Variants in PDCD10 observed in about 807,000 individuals in gnomAD.
PDCD10 encodes programmed cell death 10, also known as programmed cell death protein 10.
In PDCD10, 4 loss-of-function variants were observed where a neutral mutation model predicts 29.2. The ratio of observed to expected loss-of-function variants is 0.14; its 90% CI spans 0.07 to 0.31. The LOEUF (loss-of-function observed/expected upper bound fraction) is 0.31. Ranked by LOEUF, PDCD10 falls within the 10% of genes least tolerant of loss-of-function variation. PDCD10 has a pLI of 1.00. For synonymous variants in PDCD10, 70 were observed against 82.2 expected, an observed-to-expected ratio of 0.85 and a Z score of 0.80; for missense variants, 183 against 257.9, an observed-to-expected ratio of 0.71 and a Z score of 1.99.
chr3:167,734,694 T>C lies in PDCD10; in HGVS notation c.-286A>G. On this transcript the variant is annotated 5_prime_UTR_variant, in exon 1 of 9. Coordinates refer to ENST00000392750, the MANE Select transcript of PDCD10 (RefSeq NM_007217.4). The stretch of plus-strand genomic sequence containing the variant: ...GGGCCCCGCTCTCAGCCCCGTCCGC[T>C]CCGCCTGCCAGAACCAAGCCCAAGT... 6.5e-6 allele frequency: 1 copy of C among 154,566 alleles called. No homozygotes were observed. The highest frequency in any genetic ancestry group is 1.4e-5 in the Non-Finnish European group (1 of 69,632). The allele number at this position is 154,566 out of a possible 1,614,324, so 9.6% of individuals were successfully genotyped here.
chr3:167,730,471 G>T (rs530523627), intron 2 of PDCD10, among the ~76,000 whole-genome samples: 116 of 152,204 alleles, frequency 7.6e-4, no homozygotes, highest in Non-Finnish European at 1.4e-3. Context: ...AGGTAAATAT[G>T]AAAATTTTAT....
intron 8 of PDCD10, among the ~76,000 whole-genome samples, chr3:167,685,791 T>C (rs1356339067): frequency 6.6e-6 from 1 of 152,164 alleles, no homozygotes; most frequent in African/African-American, 2.4e-5. Flanking sequence ...ATAAATCAAA[T>C]AAAAGTTTAT....
At chr3:167,709,913 C>T (rs188786248) in intron 3 of PDCD10, among the ~76,000 whole-genome samples, 13 of 152,240 alleles carry the variant, frequency 8.5e-5, no homozygotes, top group Admixed American at 8.5e-4. Flanking sequence ...GTAGGATAAG[C>T]AACAGGCAGA....
intron 2 of PDCD10, chr3:167,731,044 C>T (rs1724749516): frequency 6.6e-6 from 1 of 151,972 alleles, no homozygotes; most frequent in Admixed American, 6.6e-5. Flanking sequence ...GAGATAGATC[C>T]AGATTCTAAC....
At chr3:167,701,362 A>G (rs1721410552) in intron 4 of PDCD10, among the ~76,000 whole-genome samples, 1 of 152,170 alleles carries the variant, frequency 6.6e-6, no homozygotes, top group Admixed American at 6.5e-5. Context: ...ACACATATAT[A>G]TGTATTGTAT....
At chr3:167,689,285 G>GA (rs1213086454) in intron 6 of PDCD10, among the ~76,000 whole-genome samples, 1 of 152,092 alleles carries the variant, frequency 6.6e-6, no homozygotes. Context: ...TATTCTGTGA[G>GA]AAAAATTACA....
At chr3:167,728,065 T>C (rs1724403119) in intron 2 of PDCD10, among the ~76,000 whole-genome samples, 1 of 152,226 alleles carries the variant, frequency 6.6e-6, no homozygotes, top group East Asian at 1.9e-4. Flanking sequence ...CTGTTTTTAC[T>C]GCATCTACTG....
At chr3:167,694,138 A>C (rs555237740) in intron 6 of PDCD10, among the ~76,000 whole-genome samples, 4 of 152,264 alleles carry the variant, frequency 2.6e-5, no homozygotes, top group Admixed American at 2.0e-4. Flanking sequence ...TAACCAGCAA[A>C]TTAAATTATT....
intron 3 of PDCD10, among the ~76,000 whole-genome samples, chr3:167,718,251 ACATG>A (rs1244733101): frequency 6.6e-6 from 1 of 152,148 alleles, no homozygotes; most frequent in Non-Finnish European, 1.5e-5. Context: ...ATTCTTAAGA[ACATG>A]CATGCAGCCT....
intron 6 of PDCD10, 47 bp downstream of exon 6, chr3:167,695,549 C>T (rs749367762): frequency 3.5e-5 from 54 of 1,559,926 alleles, no homozygotes; most frequent in Non-Finnish European, 4.6e-5. Flanking sequence ...AGTAGTTCCT[C>T]GGAAGTACTT....
intron 2 of PDCD10, chr3:167,731,011 A>G (rs1279528089): frequency 6.6e-6 from 1 of 152,166 alleles, no homozygotes; most frequent in Non-Finnish European, 1.5e-5. Flanking sequence ...AGAAAAAGAA[A>G]AAATTATGGA....
At chr3:167,723,761 T>A (rs1723820217) in intron 2 of PDCD10, among the ~76,000 whole-genome samples, 1 of 152,154 alleles carries the variant, frequency 6.6e-6, no homozygotes, top group African/African-American at 2.4e-5. Flanking sequence ...ACAAGAAATG[T>A]TGAAAGAACC....
At chr3:167,699,837 T>C (rs1206647704) in intron 4 of PDCD10, among the ~76,000 whole-genome samples, 1 of 152,238 alleles carries the variant, frequency 6.6e-6, no homozygotes, top group African/African-American at 2.4e-5. Flanking sequence ...TACTTTTCAA[T>C]AAATATATAG....
chr3:167,710,621 G>C (rs2108454805), intron 3 of PDCD10, among the ~76,000 whole-genome samples: 1 of 152,326 alleles, frequency 6.6e-6, no homozygotes, highest in South Asian at 2.1e-4. Context: ...TGGGGCCTGG[G>C]GAAATTATCA....
At chr3:167,719,108 A>G (rs1341246402) in intron 3 of PDCD10, among the ~76,000 whole-genome samples, 2 of 152,096 alleles carry the variant, frequency 1.3e-5, no homozygotes, top group African/African-American at 4.8e-5. Flanking sequence ...AATAATGTGG[A>G]AAAAAATGGT....
chr3:167,713,466 C>T (rs1722720854), intron 3 of PDCD10, among the ~76,000 whole-genome samples: 1 of 151,742 alleles, frequency 6.6e-6, no homozygotes, highest in Non-Finnish European at 1.5e-5. Context: ...TAAGTGCCTA[C>T]ATCAAAAGAG....
chr3:167,705,664 AC>A (rs1201752028), intron 3 of PDCD10, among the ~76,000 whole-genome samples: 4 of 152,214 alleles, frequency 2.6e-5, no homozygotes, highest in African/African-American at 9.6e-5. Flanking sequence ...CTGCCAAAAA[AC>A]AATGAACCAT....
chr3:167,686,333 A>G (rs1004251418), intron 8 of PDCD10, among the ~76,000 whole-genome samples: 2 of 152,218 alleles, frequency 1.3e-5, no homozygotes, highest in Admixed American at 6.5e-5. Flanking sequence ...ACATTTTAGT[A>G]TATTTCCTAT....
At chr3:167,713,426 T>C (rs1722715528) in intron 3 of PDCD10, among the ~76,000 whole-genome samples, 1 of 151,932 alleles carries the variant, frequency 6.6e-6, no homozygotes, top group South Asian at 2.1e-4. Flanking sequence ...TGGGATACAG[T>C]GAAAGCAGTA....
Sources: allele counts gnomAD v4.1 joint callset (sites outside exome capture counted in the v4.1 genomes callset), GRCh38; gene constraint gnomAD v4.1.1; transcripts MANE v1.5; gene names NCBI Gene and HGNC (gene_info 2026-07-23, HGNC 2026-07-21).